DAB1: variants seen among roughly 807,000 people sequenced by gnomAD.
DAB1 encodes DAB adaptor protein 1, also known as disabled homolog 1.
Under a neutral mutation model 64.6 loss-of-function variants are expected in DAB1, and 15 were observed. That is an observed-to-expected ratio of 0.23 (90% CI 0.16 to 0.36). The LOEUF (loss-of-function observed/expected upper bound fraction) is 0.36. Ranked by LOEUF, DAB1 falls within the 10% of genes least tolerant of loss-of-function variation. The pLI is 1.00. For missense variants in DAB1, 596 were observed against 706.7 expected, an observed-to-expected ratio of 0.84 and a Z score of 1.78; for synonymous variants, 235 against 251.9, an observed-to-expected ratio of 0.93 and a Z score of 0.64.
chr1:57,927,638 G>T (rs186821547), intron 5 of DAB1, among the ~76,000 whole-genome samples: 550 of 152,222 alleles, frequency 3.6e-3, no homozygotes, highest in Middle Eastern at 6.8e-3. Flanking sequence ...ACTAAATCAC[G>T]TTGCATTCTG....
intron 11 of DAB1, among the ~76,000 whole-genome samples, chr1:57,018,510 T>C (rs1170527156): frequency 1.3e-5 from 2 of 152,196 alleles, no homozygotes; most frequent in African/African-American, 4.8e-5. Context: ...GTAGCTAGAC[T>C]ACATTATCTA....
At position 58,359,523 on chromosome 1, in the gene DAB1, TAGTA is replaced by T. The variant is rs1430428643; in HGVS notation, n.258-16124_258-16121del. 3.3e-5 allele frequency among the ~76,000 whole-genome samples: 5 copies of T among 152,162 alleles called. No homozygotes were observed. In the East Asian group the frequency reaches 9.6e-4, roughly 29 times the overall value. Reference sequence around the variant, plus strand: ...GAACATGAAGACCAGCAAGTCAAGTTAGTAAGTCTATTGCTCAGTGTCAGTGCCA... The same window carrying T: ...GAACATGAAGACCAGCAAGTCAAGTTAGTCTATTGCTCAGTGTCAGTGCCA... On this transcript the variant is annotated intron_variant and non_coding_transcript_variant, in intron 3 of 20. Coordinates refer to the DAB1 transcript ENST00000485760.
intron 2 of DAB1, among the ~76,000 whole-genome samples, chr1:57,244,591 T>G (rs1027963165): frequency 2.6e-5 from 4 of 152,218 alleles, no homozygotes; most frequent in Non-Finnish European, 4.4e-5. Context: ...GTTGTACTAT[T>G]ACTCTTGACC....
intron 3 of DAB1, among the ~76,000 whole-genome samples, chr1:58,492,542 G>A (rs1267925512): frequency 6.6e-6 from 1 of 152,080 alleles, no homozygotes; most frequent in African/African-American, 2.4e-5. Flanking sequence ...CAGGAAAAGA[G>A]AGAAGAATCA....
intron 5 of DAB1, among the ~76,000 whole-genome samples, chr1:58,109,304 G>A (rs1227360094): frequency 6.6e-5 from 10 of 152,222 alleles, no homozygotes; most frequent in East Asian, 1.9e-4. Context: ...AAGAACTAAC[G>A]TGAATAGGGT....
chr1:57,582,925 T>C (rs1335603948), intron 7 of DAB1, among the ~76,000 whole-genome samples: 1 of 152,196 alleles, frequency 6.6e-6, no homozygotes, highest in Non-Finnish European at 1.5e-5. Flanking sequence ...TGAGACAAAA[T>C]GGGGCTTCAG....
At chr1:57,312,668 T>TC (rs1674823825) in intron 1 of DAB1, among the ~76,000 whole-genome samples, 1 of 152,040 alleles carries the variant, frequency 6.6e-6, no homozygotes, top group African/African-American at 2.4e-5. Context: ...TTATTAAAAC[T>TC]CCATTTACTG....
chr1:58,362,005 C>T (rs977755010), intron 3 of DAB1, among the ~76,000 whole-genome samples: 6 of 151,062 alleles, frequency 4.0e-5, no homozygotes, highest in African/African-American at 1.2e-4. Flanking sequence ...GCTGGGATTA[C>T]AGGTGCATGC....
chr1:57,303,517 A>G (rs530470283), intron 1 of DAB1, among the ~76,000 whole-genome samples: 1 of 152,284 alleles, frequency 6.6e-6, no homozygotes, highest in South Asian at 2.1e-4. Context: ...AAGAATTTGA[A>G]TTTGTCAGTT....
intron 5 of DAB1, among the ~76,000 whole-genome samples, chr1:57,900,949 A>T (rs1029397952): frequency 1.3e-5 from 2 of 152,152 alleles, no homozygotes; most frequent in Non-Finnish European, 1.5e-5. Flanking sequence ...TGCTTCATAA[A>T]CACTCCTTGG....
rs373686195 is a variant in DAB1 at position 57,644,578 on chromosome 1, T to A, written n.625+5014A>T. ...ATGCATATATATATACACACATACA[T>A]ATATACACACATACCCACATATGTA... On this transcript the variant is annotated intron_variant and non_coding_transcript_variant, in intron 7 of 20. Transcript: ENST00000485760. 4.4e-4 allele frequency among the ~76,000 whole-genome samples: 67 copies of A among 152,114 alleles called. 1 individual carries two copies. The South Asian group carries it at 5.4e-3, about 12-fold the overall frequency.
intron 4 of DAB1, among the ~76,000 whole-genome samples, chr1:57,130,205 C>T (rs1657529531): frequency 6.6e-6 from 1 of 151,922 alleles, no homozygotes; most frequent in South Asian, 2.1e-4. Flanking sequence ...ACAATATAAC[C>T]AATAATGTAA....
In DAB1 at chr1:58,073,298, C is replaced by G. The variant is rs180807341; in HGVS notation, n.387+77213G>C. Among the ~76,000 whole-genome samples, 3 of 152,318 alleles carry G rather than the reference C, an allele frequency of 2.0e-5. No homozygotes were observed. The East Asian group carries it at 5.8e-4, about 29-fold the overall frequency. On this transcript the variant is annotated intron_variant and non_coding_transcript_variant, in intron 5 of 20. Transcript: ENST00000485760. ...CTCTCTCCTCTTTCCACCTTCCCAA[C>G]TGATTAAATTTCATTTTCTCCTCAG...
chr1:57,253,527 C>T (rs1043580182), intron 2 of DAB1, among the ~76,000 whole-genome samples: 1 of 151,980 alleles, frequency 6.6e-6, no homozygotes, highest in Non-Finnish European at 1.5e-5. Context: ...GAAAGAGAGT[C>T]CAGAGATAAC....
In DAB1 at chr1:57,098,168, G is replaced by T. The variant is rs182644198; in HGVS notation, c.307-25754C>A. Among the ~76,000 whole-genome samples, 283 of 152,244 alleles carry T rather than the reference G, an allele frequency of 1.9e-3. 1 individual carries two copies. The highest frequency in any genetic ancestry group is 6.0e-3 in the African/African-American group (249 of 41,556). On this transcript the variant is annotated intron_variant, in intron 4 of 14. Coordinates refer to ENST00000371236, the MANE Select transcript of DAB1 (RefSeq NM_001365792.1). Reference sequence around the variant, plus strand: ...AAGGTGGGAAAAAATTTCCCATTTTGATTATTCTTTACAACTTTATTGAAA... The same window carrying T: ...AAGGTGGGAAAAAATTTCCCATTTTTATTATTCTTTACAACTTTATTGAAA...
chr1:57,138,458 C>G (rs1449012125), intron 3 of DAB1, among the ~76,000 whole-genome samples: 1 of 152,124 alleles, frequency 6.6e-6, no homozygotes, highest in Non-Finnish European at 1.5e-5. Context: ...ACAACCCCTT[C>G]CAATCTTCCT....
intron 11 of DAB1, among the ~76,000 whole-genome samples, chr1:57,020,044 T>C (rs1361991920): frequency 6.6e-6 from 1 of 152,182 alleles, no homozygotes; most frequent in East Asian, 1.9e-4. Context: ...CATTCAAAAA[T>C]ACCTCCACTA....
At chr1:57,903,750 G>T (rs2101998558) in intron 5 of DAB1, among the ~76,000 whole-genome samples, 1 of 152,270 alleles carries the variant, frequency 6.6e-6, no homozygotes, top group South Asian at 2.1e-4. Context: ...GGTGCTCACT[G>T]GTTATTGTGG....
chr1:58,191,767 T>A (rs899417286), intron 4 of DAB1, among the ~76,000 whole-genome samples: 3 of 152,196 alleles, frequency 2.0e-5, no homozygotes, highest in African/African-American at 7.2e-5. Flanking sequence ...CTGTGAAATG[T>A]TGAGAGTAGA....
Sources: allele counts gnomAD v4.1 joint callset (sites outside exome capture counted in the v4.1 genomes callset), GRCh38; gene constraint gnomAD v4.1.1; transcripts MANE v1.5; gene names NCBI Gene and HGNC (gene_info 2026-07-23, HGNC 2026-07-21).